The following TOLLIP variants were observed in gnomAD, a reference collection of about 807,000 sequenced individuals.
TOLLIP encodes toll interacting protein.
TOLLIP carries 16 observed loss-of-function variants against 33.5 expected under a neutral mutation model. That is an observed-to-expected ratio of 0.48 (90% CI 0.32 to 0.72). TOLLIP has a LOEUF of 0.72. Among genes scored for constraint, TOLLIP ranks in the 30% least tolerant of loss-of-function variants. The probability of loss-of-function intolerance (pLI) is 0.03; values close to 1 mark genes in which losing one functional copy is unlikely to be tolerated. For synonymous variants in TOLLIP, 176 were observed against 163.7 expected (o/e 1.07, Z -0.57); for missense variants, 325 against 396.6 (o/e 0.82, Z 1.53).
At chr11:1,309,274 C>G (rs1414533341) in intron 1 of TOLLIP, among the ~76,000 whole-genome samples, 192 bp downstream of exon 1, 1 of 151,996 alleles carries the variant, frequency 6.6e-6, no homozygotes, top group African/African-American at 2.4e-5. Flanking sequence ...GCAGCGTGGG[C>G]GCGTCCGTCC....
intron 1 of TOLLIP, among the ~76,000 whole-genome samples, chr11:1,296,645 A>T (rs1311522192): frequency 1.8e-5 from 2 of 113,630 alleles, no homozygotes; most frequent in African/African-American, 3.5e-5. Flanking sequence ...TGGTTGCTGG[A>T]GGAGTGGGAT....
chr11:1,301,248 T>G (rs1590228366), intron 1 of TOLLIP, among the ~76,000 whole-genome samples: 1 of 152,240 alleles, frequency 6.6e-6, no homozygotes, highest in African/African-American at 2.4e-5. Flanking sequence ...GGCTGGCTGG[T>G]ATTCTTTCAG....
At chr11:1,291,956 T>G (rs1387447933) in intron 2 of TOLLIP, 1 of 152,740 alleles carries the variant, frequency 6.5e-6, no homozygotes, top group Admixed American at 6.5e-5. Context: ...GTCCTCTGTT[T>G]TCTATTCTTG....
At chr11:1,284,324 C>T (rs1863609493) in intron 5 of TOLLIP, among the ~76,000 whole-genome samples, 1 of 152,136 alleles carries the variant, frequency 6.6e-6, no homozygotes, top group South Asian at 2.1e-4. Flanking sequence ...TGACGGGGTG[C>T]AGGTGCTACC....
intron 2 of TOLLIP, 173 bp downstream of exon 2, chr11:1,295,472 T>A: frequency 1.2e-6 from 1 of 825,524 alleles, no homozygotes; most frequent in Non-Finnish European, 1.8e-6. Flanking sequence ...CCGGGGTCAA[T>A]GCCAATATCT....
At position 1,290,197 on chromosome 11, in the gene TOLLIP, C is replaced by A; in HGVS notation, c.366+30G>T. 6.2e-7 allele frequency: 1 copy of A among 1,600,510 alleles called. No individual in the cohort carries two copies. The highest frequency in any genetic ancestry group is 8.5e-7 in the Non-Finnish European group (1 of 1,170,068). The stretch of plus-strand genomic sequence containing the variant: ...GGCAGCCACGCTCAGCCACGTGCAG[C>A]CTCCATAATAGCTGGCACGTCCCTC... On this transcript the variant is annotated intron_variant, in intron 3 of 5. Coordinates refer to ENST00000317204, the MANE Select transcript of TOLLIP (RefSeq NM_019009.4). This position sits in a 1 kb window ranked among gnomAD's most constrained non-coding sequence, Gnocchi z 4.9.
In TOLLIP at chr11:1,284,226, C is replaced by T. The variant is rs572496719; in HGVS notation, c.610+1776G>A. Among the ~76,000 whole-genome samples, 17 of 152,312 alleles carry T rather than the reference C, an allele frequency of 1.1e-4. No individual in the cohort carries two copies. The South Asian group carries it at 3.3e-3, about 30-fold the overall frequency. On this transcript the variant is annotated intron_variant, in intron 5 of 5. Transcript: ENST00000317204. ...TGGCTCTTCCACTTACCCAGATGCCCACCCTCCTCTAACTCTGAACGCCTC... is the reference window on the plus strand; with the variant it reads ...TGGCTCTTCCACTTACCCAGATGCCTACCCTCCTCTAACTCTGAACGCCTC...
rs1864329968 is a variant in TOLLIP at position 1,303,122 on chromosome 11, G to C, written c.33+6344C>G. Among the ~76,000 whole-genome samples the C allele has an allele frequency of 1.3e-5, 2 of 152,232 alleles. No individual in the cohort carries two copies. Among genetic ancestry groups the C allele is most frequent in the Non-Finnish European group, 2.9e-5 (2 of 68,044 alleles). ...CCGTGTAAGCTGAAGAGCGGTGAAA[G>C]GGAAGAGTACAGGACAGAATGAGAA... On this transcript the variant is annotated intron_variant, in intron 1 of 5. Coordinates refer to ENST00000317204, the MANE Select transcript of TOLLIP (RefSeq NM_019009.4). This position sits in a 1 kb window ranked among gnomAD's most constrained non-coding sequence, Gnocchi z 4.2.
intron 2 of TOLLIP, among the ~76,000 whole-genome samples, chr11:1,295,089 T>A (rs1462784431): frequency 6.9e-6 from 1 of 145,310 alleles, no homozygotes; most frequent in Admixed American, 6.8e-5. Flanking sequence ...TACGAAAGCC[T>A]GCGTGGCTCA....
At chr11:1,285,151 C>T (rs932495168) in intron 5 of TOLLIP, among the ~76,000 whole-genome samples, 4 of 152,180 alleles carry the variant, frequency 2.6e-5, no homozygotes, top group African/African-American at 7.2e-5. Flanking sequence ...CCTAACACCA[C>T]CTCCCCCAAC....
chr11:1,295,533 C>T, intron 2 of TOLLIP, 112 bp downstream of exon 2: 2 of 1,304,662 alleles, frequency 1.5e-6, no homozygotes, highest in Non-Finnish European at 2.1e-6. Flanking sequence ...AAGCGGGAAT[C>T]AGAAGTTCTG....
chr11:1,284,046 T>C (rs1863595801), intron 5 of TOLLIP, among the ~76,000 whole-genome samples: 1 of 152,212 alleles, frequency 6.6e-6, no homozygotes, highest in African/African-American at 2.4e-5. Flanking sequence ...GGCTCTGGGC[T>C]GTCCCAGTTA....
chr11:1,302,294 C>T (rs1370004410), intron 1 of TOLLIP, among the ~76,000 whole-genome samples: 1 of 152,202 alleles, frequency 6.6e-6, no homozygotes, highest in Non-Finnish European at 1.5e-5. Context: ...CCCTGGGTGG[C>T]CCTGGCGGTC....
chr11:1,305,004 T>A (rs1864389087), intron 1 of TOLLIP, among the ~76,000 whole-genome samples: 1 of 152,154 alleles, frequency 6.6e-6, no homozygotes, highest in South Asian at 2.1e-4. Flanking sequence ...ACAAAAGTTT[T>A]CAGAAAAATG....
chr11:1,275,207 C>G lies in TOLLIP; in HGVS notation c.*1832G>C, dbSNP rs1332264958. ...GCTGGCAGCAGGGGCCACGTCCTCTCTAGGAGACACCCACAGAGCCACATG... is the reference window on the plus strand; with the variant it reads ...GCTGGCAGCAGGGGCCACGTCCTCTGTAGGAGACACCCACAGAGCCACATG... On this transcript the variant is annotated 3_prime_UTR_variant, in exon 6 of 6. Transcript: ENST00000317204. 2.0e-5 allele frequency: 3 copies of G among 152,144 alleles called. No homozygotes were observed. The highest frequency in any genetic ancestry group is 4.4e-5 in the Non-Finnish European group (3 of 68,018). The allele number at this position is 152,144 out of a possible 1,614,324, so 9.4% of individuals were successfully genotyped here. A position where few individuals can be genotyped will look rare whatever the true frequency, so the allele number is the denominator to read the frequency against.
intron 3 of TOLLIP, among the ~76,000 whole-genome samples, chr11:1,289,243 A>G (rs1419533363): frequency 6.6e-6 from 1 of 152,192 alleles, no homozygotes; most frequent in African/African-American, 2.4e-5. Context: ...TCTGAGGGCC[A>G]GGGAGGGGAA....
At chr11:1,308,667 G>A (rs753616897) in intron 1 of TOLLIP, among the ~76,000 whole-genome samples, 26 of 152,260 alleles carry the variant, frequency 1.7e-4, no homozygotes, top group South Asian at 4.1e-4. Flanking sequence ...GTTCTCTGAA[G>A]TTCCTGGCGC....
intron 1 of TOLLIP, chr11:1,305,894 T>G (rs1336680514): frequency 6.6e-6 from 1 of 151,240 alleles, no homozygotes; most frequent in Non-Finnish European, 1.5e-5. Flanking sequence ...TCCCGAGATC[T>G]CACTGCAGAA....
In TOLLIP at chr11:1,309,593, C is replaced by A; in HGVS notation, c.-95G>T. 3.8e-6 allele frequency: 2 copies of A among 533,122 alleles called. No homozygotes were observed. The highest frequency in any genetic ancestry group is 6.6e-5 in the South Asian group (1 of 15,114). 33.0% of individuals were successfully genotyped at this position (533,122 alleles called of 1,614,324 possible). A position where few individuals can be genotyped will look rare whatever the true frequency, so the allele number is the denominator to read the frequency against. On this transcript the variant is annotated 5_prime_UTR_variant, in exon 1 of 6. Transcript: ENST00000317204. Reference sequence around the variant, plus strand: ...CGGAGCCTGCGACGGAGACAGTTGTCACCTCGAGGCCGCCGCCGCCACAGT... The same window carrying A: ...CGGAGCCTGCGACGGAGACAGTTGTAACCTCGAGGCCGCCGCCGCCACAGT...
Sources: allele counts gnomAD v4.1 joint callset (sites outside exome capture counted in the v4.1 genomes callset), GRCh38; gene constraint gnomAD v4.1.1; non-coding constraint Gnocchi (gnomAD v3.1); transcripts MANE v1.5; gene names NCBI Gene and HGNC (gene_info 2026-07-23, HGNC 2026-07-21).